Variants in EML6 observed in about 807,000 individuals in gnomAD.
The protein encoded by EML6 is echinoderm microtubule-associated protein-like 6.
Under a neutral mutation model 240.1 loss-of-function variants are expected in EML6, and 154 were observed. The ratio of observed to expected loss-of-function variants is 0.64; its 90% CI spans 0.56 to 0.73. The LOEUF is 0.73. EML6 is among the 30% of genes least tolerant of loss of function. EML6 has a pLI of 0.00. For synonymous variants in EML6, 1,148 were observed against 899.0 expected, an observed-to-expected ratio of 1.28 and a Z score of -4.95; for missense variants, 2,964 against 2,474.6, an observed-to-expected ratio of 1.20 and a Z score of -4.20.
intron 14 of EML6, chr2:54,868,102 T>A (rs958288842): frequency 4.6e-5 from 7 of 152,294 alleles, no homozygotes; most frequent in Non-Finnish European, 1.0e-4. Context: ...TCTCATAAGT[T>A]TTTATATTGA....
In EML6 at chr2:54,956,951, G is replaced by A. The variant is rs541206600; in HGVS notation, c.4487-839G>A. ...TACAGGCTAAAAGAATAGAAGCCAA[G>A]AAATTTTAAAAGTAGCTAAAGGAGT... is the stretch of plus-strand genomic sequence containing the variant. On this transcript the variant is annotated intron_variant, in intron 32 of 41. Transcript: ENST00000356458. Among the ~76,000 whole-genome samples, 23 of 152,232 alleles carry A rather than the reference G, an allele frequency of 1.5e-4. No homozygotes were observed. The East Asian group carries it at 4.4e-3, about 29-fold the overall frequency.
At chr2:54,809,909 C>G (rs1667747384) in intron 2 of EML6, among the ~76,000 whole-genome samples, 1 of 150,170 alleles carries the variant, frequency 6.7e-6, no homozygotes, top group African/African-American at 2.5e-5. Flanking sequence ...CTGGATGATA[C>G]ATGTCACTGC....
At chr2:54,967,322 G>A (rs761120953) in intron 39 of EML6, 9 of 332,838 alleles carry the variant, frequency 2.7e-5, no homozygotes, top group Non-Finnish European at 4.0e-5. Context: ...CTCTTTTTGT[G>A]TAATTTCTTC....
chr2:54,760,335 C>A (rs1042778061), intron 2 of EML6, among the ~76,000 whole-genome samples: 38 of 151,990 alleles, frequency 2.5e-4, no homozygotes, highest in African/African-American at 8.9e-4. Flanking sequence ...TTTATATTCA[C>A]GTACTACCCA....
intron 8 of EML6, among the ~76,000 whole-genome samples, chr2:54,846,058 T>C (rs934202290): frequency 1.3e-5 from 2 of 152,182 alleles, no homozygotes; most frequent in African/African-American, 2.4e-5. Flanking sequence ...GTTGTGGGGA[T>C]GGGAATGTTT....
chr2:54,849,671 A>G (rs1018835115), intron 9 of EML6, among the ~76,000 whole-genome samples: 2 of 152,116 alleles, frequency 1.3e-5, no homozygotes, highest in Non-Finnish European at 2.9e-5. Context: ...TGTATTTTTC[A>G]TAGAGATAGG....
intron 2 of EML6, among the ~76,000 whole-genome samples, chr2:54,811,593 T>C (rs903961851): frequency 3.3e-5 from 5 of 152,028 alleles, no homozygotes; most frequent in African/African-American, 1.2e-4. Context: ...GATTTCTGTT[T>C]ATATGTCTAT....
At chr2:54,902,694 T>C (rs1361728882) in intron 22 of EML6, among the ~76,000 whole-genome samples, 1 of 152,134 alleles carries the variant, frequency 6.6e-6, no homozygotes, top group Non-Finnish European at 1.5e-5. Flanking sequence ...CCACTGCACC[T>C]AGCTTATTTC....
Position 54,871,478 on chromosome 2 carries a change from AAC to A in EML6, c.2239-20_2239-19del. On this transcript the variant is annotated intron_variant, in intron 15 of 41. Coordinates refer to ENST00000356458, the MANE Select transcript of EML6 (RefSeq NM_001039753.4). ...TTAGTATAACGTGTTAGTAGTTAAT[AAC>A]AGTCATTCTGTTATTTAAGGTTGGA... 6.6e-7 allele frequency: 1 copy of A among 1,518,776 alleles called. No individual in the cohort carries two copies. Among genetic ancestry groups the A allele is most frequent in the Non-Finnish European group, 9.0e-7 (1 of 1,116,784 alleles). The allele number at this position is 1,518,776 out of a possible 1,614,324, so 94.1% of individuals were successfully genotyped here. A position where few individuals can be genotyped will look rare whatever the true frequency, so the allele number is the denominator to read the frequency against.
chr2:54,747,075 C>G (rs1350712700), intron 2 of EML6: 1 of 152,126 alleles, frequency 6.6e-6, no homozygotes, highest in Non-Finnish European at 1.5e-5. Flanking sequence ...TGACCTTTTC[C>G]CTTGTGTTCA....
intron 16 of EML6, among the ~76,000 whole-genome samples, chr2:54,876,352 A>G (rs1259668819): frequency 6.6e-6 from 1 of 152,164 alleles, no homozygotes; most frequent in Non-Finnish European, 1.5e-5. Flanking sequence ...AAAAAGAGGT[A>G]TGGCTGTTGA....
intron 2 of EML6, among the ~76,000 whole-genome samples, chr2:54,764,766 C>T (rs146412459): frequency 6.6e-6 from 1 of 152,202 alleles, no homozygotes; most frequent in Admixed American, 6.5e-5. Flanking sequence ...AATGGGGCAG[C>T]AAAAGGCCAT....
Position 54,961,184 on chromosome 2 carries a change from G to GTTGTTTTTTTTTTTTTGTTTTTTTTT in EML6, c.4968+852_4968+853insGTTTTTTTTTTTTTGTTTTTTTTTTT. ...GGAGCCTGGAAGTTATCAGGAAGTA[G>GTTGTTTTTTTTTTTTTGTTTTTTTTT]TTTTTTTTTTTTTTTTTTTGAGACG... On this transcript the variant is annotated intron_variant, in intron 35 of 41. Coordinates refer to ENST00000356458, the MANE Select transcript of EML6 (RefSeq NM_001039753.4). Among the ~76,000 whole-genome samples the GTTGTTTTTTTTTTTTTGTTTTTTTTT allele has an allele frequency of 9.1e-3, 506 of 55,388 alleles. 128 individuals carry two copies. Among genetic ancestry groups the GTTGTTTTTTTTTTTTTGTTTTTTTTT allele is most frequent in the East Asian group, 0.059 (93 of 1,568 alleles). The allele number at this position is 55,388 out of a possible 152,430, so 36.3% of individuals were successfully genotyped here.
intron 36 of EML6, among the ~76,000 whole-genome samples, chr2:54,963,302 G>A (rs563241997): frequency 6.6e-6 from 1 of 152,308 alleles, no homozygotes; most frequent in South Asian, 2.1e-4. Flanking sequence ...AAAAGCTTGA[G>A]TATGGTTGCT....
chr2:54,840,792 A>G (rs758648396), intron 7 of EML6, among the ~76,000 whole-genome samples: 1 of 152,246 alleles, frequency 6.6e-6, no homozygotes, highest in Non-Finnish European at 1.5e-5. Context: ...AACTCTCTTC[A>G]CAGACCTTTC....
At chr2:54,895,500 C>G (rs76679797) in intron 21 of EML6, 100 bp downstream of exon 21, 1 of 1,189,128 alleles carries the variant, frequency 8.4e-7, no homozygotes, top group Non-Finnish European at 1.2e-6. Context: ...GAGGCACTCA[C>G]TCTCAGGGTT....
chr2:54,909,292 C>G (rs1429563381), intron 24 of EML6, among the ~76,000 whole-genome samples: 1 of 152,202 alleles, frequency 6.6e-6, no homozygotes, highest in Non-Finnish European at 1.5e-5. Context: ...GTATTGGTTA[C>G]TCATTTTCTT....
At chr2:54,906,514 G>A (rs1434755293) in intron 24 of EML6, among the ~76,000 whole-genome samples, 1 of 152,150 alleles carries the variant, frequency 6.6e-6, no homozygotes, top group Non-Finnish European at 1.5e-5. Flanking sequence ...AGCTCAGGAT[G>A]CTGAGGGAGG....
At chr2:54,918,006 C>G (rs1314607494) in intron 26 of EML6, among the ~76,000 whole-genome samples, 1 of 152,212 alleles carries the variant, frequency 6.6e-6, no homozygotes, top group Admixed American at 6.5e-5. Context: ...GGCATTGGCC[C>G]TTTTGGCTGC....
Sources: gnomAD v4.1 joint callset for allele counts (sites outside exome capture counted in the v4.1 genomes callset) on GRCh38, gnomAD v4.1.1 for gene constraint, MANE v1.5 for transcripts, NCBI Gene and HGNC (gene_info 2026-07-23, HGNC 2026-07-21) for gene names.